Variants in LARGE1 observed in about 807,000 individuals in gnomAD.
LARGE1 encodes the protein LARGE xylosyl- and glucuronyltransferase 1.
In LARGE1, 43 loss-of-function variants were observed where a neutral mutation model predicts 87.6. The ratio of observed to expected loss-of-function variants is 0.49; its 90% confidence interval spans 0.38 to 0.63. LARGE1 has a LOEUF of 0.63. Ranked by LOEUF, LARGE1 falls within the 30% of genes least tolerant of loss-of-function variation. The probability of loss-of-function intolerance (pLI) is 0.00; values close to 1 mark genes in which losing one functional copy is unlikely to be tolerated. For synonymous variants in LARGE1, 434 were observed against 394.6 expected (o/e 1.10, Z -1.18); for missense variants, 802 against 1,000.2 (o/e 0.80, Z 2.67).
intron 5 of LARGE1, among the ~76,000 whole-genome samples, chr22:33,574,655 T>C (rs1294060594): frequency 1.3e-5 from 2 of 150,238 alleles, no homozygotes; most frequent in African/African-American, 4.9e-5. Flanking sequence ...AAAAGCATGA[T>C]AGGACAACGA....
intron 2 of LARGE1, among the ~76,000 whole-genome samples, chr22:33,689,536 G>T (rs240072): frequency 0.15 from 23,174 of 152,064 alleles, 1,985 homozygotes; most frequent in East Asian, 0.27. Flanking sequence ...GTACTGGGAA[G>T]AAGGAATATA....
downstream of LARGE1, among the ~76,000 whole-genome samples, chr22:33,268,059 G>A (rs530244830): frequency 4.9e-4 from 74 of 151,184 alleles, 3 homozygotes; most frequent in African/African-American, 1.6e-3. Flanking sequence ...GGGCTGAGGC[G>A]ATTCTCCTCT....
At chr22:33,691,535 C>A (rs367883335) in intron 2 of LARGE1, among the ~76,000 whole-genome samples, 3 of 152,098 alleles carry the variant, frequency 2.0e-5, no homozygotes, top group Non-Finnish European at 1.5e-5. Flanking sequence ...TATGGCTCCT[C>A]ATGGGGCAGG....
chr22:33,284,502 T>A (rs981118971), intron 12 of LARGE1, among the ~76,000 whole-genome samples: 5 of 151,616 alleles, frequency 3.3e-5, no homozygotes, highest in Non-Finnish European at 5.9e-5. Context: ...TTTTCTCAGC[T>A]CTGTGGTGGT....
chr22:33,341,492 G>A (rs1412353790), intron 9 of LARGE1, among the ~76,000 whole-genome samples: 1 of 152,102 alleles, frequency 6.6e-6, no homozygotes, highest in Non-Finnish European at 1.5e-5. Flanking sequence ...GGAAGACCCA[G>A]CTCCCTCTGT....
intron 7 of LARGE1, among the ~76,000 whole-genome samples, chr22:33,419,553 G>A (rs191795076): frequency 2.6e-3 from 403 of 152,124 alleles, no homozygotes; most frequent in African/African-American, 3.3e-3. Context: ...CTCAAATGTC[G>A]TCTTCTCAGA....
At chr22:33,523,113 T>C (rs1263713520) in intron 6 of LARGE1, among the ~76,000 whole-genome samples, 1 of 152,040 alleles carries the variant, frequency 6.6e-6, no homozygotes, top group Non-Finnish European at 1.5e-5. Context: ...CAAGCAATTC[T>C]CCTGCCTCAG....
intron 11 of LARGE1, among the ~76,000 whole-genome samples, chr22:33,230,225 G>A (rs553019412): frequency 6.6e-6 from 1 of 151,896 alleles, no homozygotes; most frequent in South Asian, 2.1e-4. Flanking sequence ...TGTTGGCCAG[G>A]ATGGTCTCGA....
chr22:33,121,879 G>A, the LARGE1 span, among the ~76,000 whole-genome samples: 213 of 152,258 alleles, frequency 1.4e-3, 2 homozygotes, highest in African/African-American at 5.0e-3. Flanking sequence ...GCTTGTGTAG[G>A]GGAACTCCCC....
chr22:33,274,200 G>A lies in LARGE1; in HGVS notation c.*227C>T. On this transcript the variant is annotated 3_prime_UTR_variant, in exon 15 of 15. Coordinates refer to ENST00000397394, the MANE Select transcript of LARGE1 (RefSeq NM_133642.5). ...CCCATTCTTGAAGAGACTCATCTAG[G>A]TGGGCTGCATAGCTAACCTCTGGGA... 1 of 612,598 alleles carries A rather than the reference G, an allele frequency of 1.6e-6. No homozygotes were observed. The highest frequency in any genetic ancestry group is 2.8e-5 in the East Asian group (1 of 36,184). The allele number at this position is 612,598 out of a possible 1,614,324, so 37.9% of individuals were successfully genotyped here. A position where few individuals can be genotyped will look rare whatever the true frequency, so the allele number is the denominator to read the frequency against.
chr22:33,396,055 C>G (rs1025262481), intron 7 of LARGE1, among the ~76,000 whole-genome samples: 3 of 152,196 alleles, frequency 2.0e-5, no homozygotes, highest in African/African-American at 7.2e-5. Context: ...ACCTCTAATG[C>G]AGGATCCACT....
intron 6 of LARGE1, among the ~76,000 whole-genome samples, chr22:33,489,378 G>T (rs1272837281): frequency 6.6e-6 from 1 of 152,140 alleles, no homozygotes; most frequent in Non-Finnish European, 1.5e-5. Flanking sequence ...TATGCGCAGG[G>T]CAGTGTTCTG....
intron 1 of LARGE1, among the ~76,000 whole-genome samples, chr22:33,903,569 G>A (rs1449195987): frequency 2.6e-5 from 4 of 152,150 alleles, no homozygotes. Flanking sequence ...GCTCACGCCT[G>A]TAATCTCAGC....
Position 33,227,596 on chromosome 22 carries a change from C to T in LARGE1, c.1731-60764G>A, listed in dbSNP as rs73885013. Among the ~76,000 whole-genome samples, 1,134 of 152,302 alleles carry T rather than the reference C, an allele frequency of 7.4e-3. 3 individuals carry two copies. Among genetic ancestry groups the T allele is most frequent in the Middle Eastern group, 0.027 (8 of 294 alleles). On this transcript the variant is annotated intron_variant, in intron 11 of 11. Coordinates refer to the LARGE1 transcript ENST00000608642. ...CCCAAACCTGTCTTTTAAAAATATGCTCTTTCCACTACACAGAACATTGTA... is the reference window on the plus strand; with the variant it reads ...CCCAAACCTGTCTTTTAAAAATATGTTCTTTCCACTACACAGAACATTGTA...
intron 4 of LARGE1, among the ~76,000 whole-genome samples, chr22:33,608,107 T>G (rs1371071951): frequency 6.6e-6 from 1 of 152,210 alleles, no homozygotes; most frequent in Non-Finnish European, 1.5e-5. Flanking sequence ...CCCTCAGTGT[T>G]TCCACGACTG....
intron 6 of LARGE1, among the ~76,000 whole-genome samples, chr22:33,492,141 TGTC>T (rs1269059045): frequency 6.6e-6 from 1 of 152,142 alleles, no homozygotes; most frequent in Non-Finnish European, 1.5e-5. Flanking sequence ...GATGGGGCCT[TGTC>T]GGCCACTGGC....
At chr22:33,325,324 T>C (rs1316439323) in intron 10 of LARGE1, among the ~76,000 whole-genome samples, 1 of 152,244 alleles carries the variant, frequency 6.6e-6, no homozygotes, top group African/African-American at 2.4e-5. Flanking sequence ...AATAACTCTG[T>C]GATACAGCTC....
At chr22:33,320,325 C>T (rs992467145) in intron 10 of LARGE1, among the ~76,000 whole-genome samples, 1 of 152,146 alleles carries the variant, frequency 6.6e-6, no homozygotes, top group African/African-American at 2.4e-5. Flanking sequence ...CACTTCACTC[C>T]ACTCTCCTCC....
At chr22:33,072,514 C>T in the LARGE1 span, among the ~76,000 whole-genome samples, 1 of 152,216 alleles carries the variant, frequency 6.6e-6, no homozygotes, top group Non-Finnish European at 1.5e-5. Flanking sequence ...TAAATTCCTG[C>T]TGGTGGAAAA....
Sources: allele counts gnomAD v4.1 joint callset (sites outside exome capture counted in the v4.1 genomes callset), GRCh38; gene constraint gnomAD v4.1.1; transcripts MANE v1.5; gene names NCBI Gene and HGNC (gene_info 2026-07-23, HGNC 2026-07-21).